NEDD4L: variants seen among roughly 807,000 people sequenced by gnomAD.
NEDD4L encodes the protein NEDD4 like E3 ubiquitin protein ligase.
In NEDD4L, 54 loss-of-function variants were observed where a neutral mutation model predicts 148.9. That is an observed-to-expected ratio of 0.36 (90% CI 0.29 to 0.45). The LOEUF (loss-of-function observed/expected upper bound fraction) is 0.45, where lower values mean the gene tolerates loss of function less well. Among genes scored for constraint, NEDD4L ranks in the 20% least tolerant of loss-of-function variants. The pLI is 1.00. For missense variants in NEDD4L, 856 were observed against 1,233.8 expected (o/e 0.69, Z 4.59); for synonymous variants, 433 against 440.7 (o/e 0.98, Z 0.22).
intron 2 of NEDD4L, among the ~76,000 whole-genome samples, chr18:58,194,439 AAAGG>A (rs1481422239): frequency 2.6e-5 from 4 of 152,354 alleles, no homozygotes; most frequent in South Asian, 4.1e-4. Context: ...TTGCCTTTTA[AAAGG>A]GAGCATTCAA....
intron 5 of NEDD4L, among the ~76,000 whole-genome samples, chr18:58,264,263 A>G (rs548773740): frequency 2.0e-5 from 3 of 152,208 alleles, no homozygotes; most frequent in East Asian, 1.9e-4. Context: ...GGACACAGCA[A>G]TGCTAAGGAC....
At chr18:58,341,235 C>T (rs950938304) in intron 14 of NEDD4L, 66 bp downstream of exon 14, 4 of 1,555,094 alleles carry the variant, frequency 2.6e-6, no homozygotes, top group Non-Finnish European at 2.6e-6. Flanking sequence ...TGACCGAACT[C>T]CTTTCCTGGT....
intron 2 of NEDD4L, among the ~76,000 whole-genome samples, chr18:58,234,738 T>C (rs1390285746): frequency 3.3e-5 from 5 of 152,106 alleles, no homozygotes; most frequent in African/African-American, 1.2e-4. Context: ...AGATAGAGAA[T>C]GGATCAAGAC....
At chr18:58,164,585 C>G (rs952871724) in intron 1 of NEDD4L, among the ~76,000 whole-genome samples, 2 of 152,186 alleles carry the variant, frequency 1.3e-5, no homozygotes, top group Non-Finnish European at 2.9e-5. Context: ...ATTCTCCTGC[C>G]TCAGCCTCCT....
chr18:58,285,628 A>G (rs937273120), intron 5 of NEDD4L, among the ~76,000 whole-genome samples: 5 of 152,270 alleles, frequency 3.3e-5, no homozygotes, highest in Non-Finnish European at 5.9e-5. Flanking sequence ...AAGCCCAGGA[A>G]TAATCAAGGC....
intron 2 of NEDD4L, among the ~76,000 whole-genome samples, chr18:58,223,669 T>G (rs2044020431): frequency 6.6e-6 from 1 of 152,216 alleles, no homozygotes; most frequent in Non-Finnish European, 1.5e-5. Context: ...TCTTATGTGC[T>G]TTGAGTTAAA....
intron 5 of NEDD4L, among the ~76,000 whole-genome samples, chr18:58,268,405 G>T (rs1478017760): frequency 1.3e-5 from 2 of 152,024 alleles, no homozygotes; most frequent in Admixed American, 6.5e-5. Context: ...AGAGAAAGAT[G>T]GCCTCCCATC....
rs370474979 is a variant in NEDD4L at position 58,044,715 on chromosome 18, G to A, written c.48+7G>A. On this transcript the variant is annotated splice_region_variant and intron_variant, in intron 1 of 30. Coordinates refer to ENST00000400345, the MANE Select transcript of NEDD4L (RefSeq NM_001144967.3). Reference sequence around the variant, plus strand: ...TGGACTTTCCGAAGACGAGGTGAGTGGCACCCCCTTCCTGCTCGGGACTCC... The same window carrying A: ...TGGACTTTCCGAAGACGAGGTGAGTAGCACCCCCTTCCTGCTCGGGACTCC... The A allele has an allele frequency of 1.0e-5, 16 of 1,605,164 alleles. No homozygotes were observed. The highest frequency in any genetic ancestry group is 1.3e-5 in the Non-Finnish European group (15 of 1,175,958).
intron 18 of NEDD4L, among the ~76,000 whole-genome samples, chr18:58,353,916 G>C (rs1173073881): frequency 6.6e-6 from 1 of 152,108 alleles, no homozygotes; most frequent in Non-Finnish European, 1.5e-5. Flanking sequence ...GGGTCCACCT[G>C]GAATTACAGA....
chr18:58,169,296 C>T (rs1352011725), intron 2 of NEDD4L, among the ~76,000 whole-genome samples: 1 of 152,294 alleles, frequency 6.6e-6, no homozygotes, highest in Non-Finnish European at 1.5e-5. Flanking sequence ...GCAGTTGGCC[C>T]GCGTGGGAAA....
chr18:58,361,579 A>T (rs1389901102), intron 19 of NEDD4L, among the ~76,000 whole-genome samples: 1 of 152,184 alleles, frequency 6.6e-6, no homozygotes, highest in Non-Finnish European at 1.5e-5. Context: ...AAGGGTCAGA[A>T]TCAGGACCGG....
At chr18:58,395,877 G>A (rs1459621534) in intron 30 of NEDD4L, among the ~76,000 whole-genome samples, 1 of 152,152 alleles carries the variant, frequency 6.6e-6, no homozygotes, top group African/African-American at 2.4e-5. Flanking sequence ...TGTTCCAAGG[G>A]TTTGGAAATC....
At chr18:58,310,789 G>A (rs1313618335) in intron 5 of NEDD4L, among the ~76,000 whole-genome samples, 1 of 152,210 alleles carries the variant, frequency 6.6e-6, no homozygotes, top group African/African-American at 2.4e-5. Context: ...GTCAGCACTG[G>A]GGCCGGCCAG....
rs540208744 is a variant in NEDD4L at position 58,058,826 on chromosome 18, T to C, written c.48+14118T>C. Among the ~76,000 whole-genome samples the C allele has an allele frequency of 3.3e-4, 51 of 152,284 alleles. No individual in the cohort carries two copies. The South Asian group carries it at 9.5e-3, about 28-fold the overall frequency. ...TTTCTGCATAGTTACTTCTACTGAATACTTCACTGACAGCAATGAAGGATT... is the reference window on the plus strand; with the variant it reads ...TTTCTGCATAGTTACTTCTACTGAACACTTCACTGACAGCAATGAAGGATT... On this transcript the variant is annotated intron_variant, in intron 1 of 30. Transcript: ENST00000400345.
intron 6 of NEDD4L, among the ~76,000 whole-genome samples, chr18:58,320,432 A>C (rs936083795): frequency 1.3e-5 from 2 of 152,200 alleles, no homozygotes; most frequent in Non-Finnish European, 2.9e-5. Flanking sequence ...GATTGTTGAC[A>C]TGATGGCTCT....
chr18:58,217,306 T>C (rs894447704), intron 2 of NEDD4L, among the ~76,000 whole-genome samples: 1 of 152,366 alleles, frequency 6.6e-6, no homozygotes, highest in Middle Eastern at 3.4e-3. Context: ...TTGTGTTCAA[T>C]TTATTCCTCC....
intron 5 of NEDD4L, among the ~76,000 whole-genome samples, chr18:58,266,182 G>A (rs753808424): frequency 4.0e-5 from 6 of 151,792 alleles, no homozygotes; most frequent in Non-Finnish European, 8.8e-5. Flanking sequence ...AATGTTGATC[G>A]GATCTGCAAC....
chr18:58,054,549 GA>G (rs906349859), intron 1 of NEDD4L, among the ~76,000 whole-genome samples: 3 of 152,290 alleles, frequency 2.0e-5, no homozygotes, highest in African/African-American at 7.2e-5. Context: ...GCTGAGTAAT[GA>G]TTGCACCACC....
intron 1 of NEDD4L, among the ~76,000 whole-genome samples, chr18:58,082,788 CAAAA>C (rs376651872): frequency 4.4e-5 from 3 of 68,366 alleles, no homozygotes; most frequent in Non-Finnish European, 7.0e-5. Context: ...GACTCCATCT[CAAAA>C]AAAAAAAAAA....
Sources: gnomAD v4.1 joint callset for allele counts (sites outside exome capture counted in the v4.1 genomes callset) on GRCh38, gnomAD v4.1.1 for gene constraint, MANE v1.5 for transcripts, NCBI Gene and HGNC (gene_info 2026-07-23, HGNC 2026-07-21) for gene names.